Variants in ELAVL1 observed in about 807,000 individuals in gnomAD.
The protein encoded by ELAVL1 is ELAV-like protein 1.
Under a neutral mutation model 28.4 loss-of-function variants are expected in ELAVL1, and 1 was observed. The ratio of observed to expected loss-of-function variants is 0.04; its 90% CI spans 0.01 to 0.17. The LOEUF is 0.17. ELAVL1 is among the 10% of genes least tolerant of loss of function. The pLI is 1.00. For synonymous variants in ELAVL1, 174 were observed against 183.5 expected (o/e 0.95, Z 0.42); for missense variants, 157 against 447.2 (o/e 0.35, Z 5.85).
rs780701157 is a variant in ELAVL1 at position 7,963,705 on chromosome 19, C to T, written c.759G>A (p.Gln253=). The T allele has an allele frequency of 1.2e-4, 190 of 1,614,174 alleles. 2 individuals carry two copies. Among genetic ancestry groups the T allele is most frequent in the Middle Eastern group, 8.2e-4 (5 of 6,084 alleles). The part of the protein sequence containing the change: ...GWCIFIYNLG[Q]DADEGILWQM... ...GCCAGAGGATCCCCTCGTCGGCATC[C>T]TGCCCCAGGTTGTAGATGAAAATGC... Residue 253 remains glutamine, a synonymous_variant, in exon 6 of 6, where the codon CAG becomes CAA. Transcript: ENST00000407627. This position sits in a 1 kb window ranked among gnomAD's most constrained non-coding sequence, Gnocchi z 4.5.
In ELAVL1 at chr19:7,962,085, C is replaced by T. The variant is rs1372256687; in HGVS notation, c.*1398G>A. 6.5e-6 allele frequency: 1 copy of T among 153,666 alleles called. No homozygotes were observed. The highest frequency in any genetic ancestry group is 2.4e-5 in the African/African-American group (1 of 41,402). 9.5% of individuals were successfully genotyped at this position (153,666 alleles called of 1,614,324 possible). Reference sequence around the variant, plus strand: ...TTCACAGGCTTTCTCTTTCACCCTTCCTCCGGGCTCCTGGTTTAAAAGCCA... The same window carrying T: ...TTCACAGGCTTTCTCTTTCACCCTTTCTCCGGGCTCCTGGTTTAAAAGCCA... On this transcript the variant is annotated 3_prime_UTR_variant, in exon 6 of 6. Coordinates refer to ENST00000407627, the MANE Select transcript of ELAVL1 (RefSeq NM_001419.3).
intron 1 of ELAVL1, among the ~76,000 whole-genome samples, chr19:7,996,499 T>A (rs1362527004): frequency 6.6e-6 from 1 of 151,520 alleles, no homozygotes; most frequent in East Asian, 2.0e-4. Context: ...CAGAACACTT[T>A]TTTTTAAGCT....
At position 7,981,682 on chromosome 19, in the gene ELAVL1, C is replaced by CT. The variant is rs1433163422; in HGVS notation, c.173-497dup. On this transcript the variant is annotated intron_variant, in intron 2 of 5. Coordinates refer to ENST00000407627, the MANE Select transcript of ELAVL1 (RefSeq NM_001419.3). This position sits in a 1 kb window ranked among gnomAD's most constrained non-coding sequence, Gnocchi z 4.2. ...CACTGAGCCTGGCCAAGAGGTTTTA[C>CT]TTTTGTAATTAAAATAACCCCAAAA... 6.6e-6 allele frequency among the ~76,000 whole-genome samples: 1 copy of CT among 152,130 alleles called. No individual in the cohort carries two copies. Among genetic ancestry groups the CT allele is most frequent in the Non-Finnish European group, 1.5e-5 (1 of 68,028 alleles).
At chr19:7,965,223 T>C (rs1371903080) in intron 5 of ELAVL1, among the ~76,000 whole-genome samples, 1 of 152,210 alleles carries the variant, frequency 6.6e-6, no homozygotes, top group East Asian at 1.9e-4. Context: ...GGCTAATTTT[T>C]ACATTTTTTG....
At chr19:7,995,565 T>G (rs1985854240) in intron 1 of ELAVL1, among the ~76,000 whole-genome samples, 1 of 152,234 alleles carries the variant, frequency 6.6e-6, no homozygotes, top group Admixed American at 6.5e-5. Flanking sequence ...TTATGTATTG[T>G]CTGTCTATAG....
intron 1 of ELAVL1, among the ~76,000 whole-genome samples, chr19:8,004,677 C>G (rs2081080742): frequency 6.6e-6 from 1 of 152,250 alleles, no homozygotes; most frequent in South Asian, 2.1e-4. Flanking sequence ...TCTGGCCATC[C>G]GGATCTTAGA....
chr19:8,004,587 A>C (rs753269025), intron 1 of ELAVL1, among the ~76,000 whole-genome samples: 8 of 152,024 alleles, frequency 5.3e-5, no homozygotes, highest in Non-Finnish European at 4.4e-5. Context: ...CACAACCAAA[A>C]ACTATCTGAC....
At chr19:7,996,336 C>T (rs2145227019) in intron 1 of ELAVL1, among the ~76,000 whole-genome samples, 1 of 152,116 alleles carries the variant, frequency 6.6e-6, no homozygotes, top group South Asian at 2.1e-4. Context: ...CGCCCGCCAC[C>T]ATGCCCAGCT....
chr19:7,997,098 C>T (rs2081052222), intron 1 of ELAVL1, among the ~76,000 whole-genome samples: 1 of 152,108 alleles, frequency 6.6e-6, no homozygotes, highest in African/African-American at 2.4e-5. Flanking sequence ...GGTGGGAATG[C>T]AAAAATGTGA....
chr19:7,972,535 C>T (rs938459537), intron 4 of ELAVL1, among the ~76,000 whole-genome samples: 26 of 152,212 alleles, frequency 1.7e-4, no homozygotes, highest in Admixed American at 1.6e-3. Flanking sequence ...GAGGGGCATC[C>T]GAATTCTGGG....
chr19:8,002,859 G>A (rs1389726021), intron 1 of ELAVL1, among the ~76,000 whole-genome samples: 1 of 152,080 alleles, frequency 6.6e-6, no homozygotes, highest in Non-Finnish European at 1.5e-5. Context: ...TGAAGGAACT[G>A]GCACTCCAAA....
chr19:7,976,142 C>G (rs1025361918), intron 3 of ELAVL1, among the ~76,000 whole-genome samples: 1 of 150,440 alleles, frequency 6.6e-6, no homozygotes, highest in Non-Finnish European at 1.5e-5. Context: ...GTGGCTCATG[C>G]CTATAATCCC....
rs1253201344 is a variant in ELAVL1 at position 7,963,031 on chromosome 19, T to G, written c.*452A>C. 6.3e-6 allele frequency: 1 copy of G among 159,916 alleles called. No individual in the cohort carries two copies. The highest frequency in any genetic ancestry group is 1.4e-5 in the Non-Finnish European group (1 of 72,604). 9.9% of individuals were successfully genotyped at this position (159,916 alleles called of 1,614,324 possible). On this transcript the variant is annotated 3_prime_UTR_variant, in exon 6 of 6. Coordinates refer to ENST00000407627, the MANE Select transcript of ELAVL1 (RefSeq NM_001419.3). The surrounding 1 kb of genome is among the most constrained non-coding windows in gnomAD (Gnocchi z 4.5). ...TCCTGTCAACCAAAGCATACATCGC[T>G]TACAATGTTGAAGCGGTTGAGAAAA...
intron 5 of ELAVL1, among the ~76,000 whole-genome samples, chr19:7,965,574 C>A (rs764501415): frequency 6.6e-6 from 1 of 152,118 alleles, no homozygotes; most frequent in African/African-American, 2.4e-5. Flanking sequence ...GCCTCCTGAG[C>A]GAATCTTTCC....
chr19:8,005,441 G>A (rs2081084254), intron 1 of ELAVL1, 54 bp downstream of exon 1: 1 of 146,704 alleles, frequency 6.8e-6, no homozygotes, highest in Non-Finnish European at 1.5e-5. Context: ...GGCGAGCTCA[G>A]GCCTGCCGCG....
In ELAVL1 at chr19:7,982,554, G is replaced by C. The variant is rs1452138976; in HGVS notation, c.173-1368C>G. Among the ~76,000 whole-genome samples, 4 of 152,136 alleles carry C rather than the reference G, an allele frequency of 2.6e-5. No individual in the cohort carries two copies. The highest frequency in any genetic ancestry group is 5.9e-5 in the Non-Finnish European group (4 of 68,016). On this transcript the variant is annotated intron_variant, in intron 2 of 5. Transcript: ENST00000407627. The surrounding 1 kb of genome is among the most constrained non-coding windows in gnomAD (Gnocchi z 4.3). ...ATTTTATTTTTCAGAACAGTTTTAG[G>C]TTTACAGAAAAATTACAAGGATAAT...
intron 5 of ELAVL1, among the ~76,000 whole-genome samples, chr19:7,964,899 G>A (rs1032004603): frequency 6.6e-6 from 1 of 152,218 alleles, no homozygotes; most frequent in African/African-American, 2.4e-5. Flanking sequence ...GTGAAGCTGC[G>A]TGATGCATGC....
chr19:7,984,211 AG>A (rs1985540753), intron 2 of ELAVL1, among the ~76,000 whole-genome samples: 2 of 152,180 alleles, frequency 1.3e-5, no homozygotes, highest in Admixed American at 1.3e-4. Flanking sequence ...ACTATGTGTC[AG>A]GCCCTGTGCT....
At chr19:8,005,331 C>T (rs1376408713) in intron 1 of ELAVL1, among the ~76,000 whole-genome samples, 164 bp downstream of exon 1, 4 of 149,594 alleles carry the variant, frequency 2.7e-5, no homozygotes, top group Non-Finnish European at 6.0e-5. Context: ...CGGCCCGCCC[C>T]GACCCGCCCG....
Sources: gnomAD v4.1 joint callset for allele counts (sites outside exome capture counted in the v4.1 genomes callset) on GRCh38, gnomAD v4.1.1 for gene constraint, Gnocchi (gnomAD v3.1) non-coding constraint, MANE v1.5 for transcripts, NCBI Gene and HGNC (gene_info 2026-07-23, HGNC 2026-07-21) for gene names.